Variants in MROH1 observed in about 807,000 individuals in gnomAD.
MROH1 encodes maestro heat-like repeat-containing protein family member 1.
Under a neutral mutation model 116.5 loss-of-function variants are expected in MROH1, and 117 were observed. The observed-to-expected ratio is 1.00, with a 90% CI of 0.86 to 1.17. MROH1 has a LOEUF of 1.17. Ranked by LOEUF, MROH1 falls within the 50% of genes most tolerant of loss-of-function variation. MROH1 has a pLI of 0.00. For missense variants in MROH1, 1,873 were observed against 1,338.5 expected (o/e 1.40, Z -6.23); for synonymous variants, 921 against 583.9 (o/e 1.58, Z -8.32).
intron 35 of MROH1, among the ~76,000 whole-genome samples, chr8:144,256,360 G>C (rs1041855518): frequency 9.7e-5 from 13 of 133,966 alleles, no homozygotes; most frequent in Admixed American, 3.6e-4. Context: ...TGTGCACCTT[G>C]GCCAGGACAC....
chr8:144,235,216 G>C (rs914501052), intron 14 of MROH1, among the ~76,000 whole-genome samples: 3 of 152,076 alleles, frequency 2.0e-5, no homozygotes, highest in South Asian at 4.2e-4. Context: ...CTTTCATATC[G>C]ATCTTGTATA....
chr8:144,245,235 A>G lies in MROH1; in HGVS notation c.2846A>G (p.Tyr949Cys), dbSNP rs960816291. 6.4e-5 allele frequency: 50 copies of G among 778,724 alleles called. 1 individual carries two copies. The South Asian group carries it at 6.4e-4, about 10-fold the overall frequency. 48.2% of individuals were successfully genotyped at this position (778,724 alleles called of 1,614,324 possible). ...ALGLSALLLR[Y>C]FLEHLRVSAL... ...GGCCTGAGCGCCCTCCTGCTGCGCT[A>G]CTTCCTGGAGCACCTGCGTGTCAGC... Residue 949 changes from tyrosine to cysteine, a missense_variant, in exon 29 of 44, where the codon TAC becomes TGC. Transcript: ENST00000326134.
chr8:144,175,064 G>A, intron 4 of MROH1: 1 of 985,450 alleles, frequency 1.0e-6, no homozygotes, highest in Non-Finnish European at 1.2e-6. Context: ...AGCTAAAGAT[G>A]GAAGCATAAT....
chr8:144,208,407 G>T (rs201199851), intron 12 of MROH1, among the ~76,000 whole-genome samples: 34 of 146,720 alleles, frequency 2.3e-4, no homozygotes, highest in South Asian at 6.4e-4. Context: ...GGTGGGTGGG[G>T]TTTTTTTTTT....
intron 14 of MROH1, among the ~76,000 whole-genome samples, chr8:144,224,263 T>C (rs755531685): frequency 5.3e-4 from 81 of 152,302 alleles, no homozygotes; most frequent in Non-Finnish European, 8.5e-4. Flanking sequence ...TTTATATCTA[T>C]GTAATAATAA....
chr8:144,260,480 T>G, intron 39 of MROH1, 106 bp downstream of exon 39: 1 of 697,910 alleles, frequency 1.4e-6, no homozygotes, highest in African/African-American at 1.7e-5. Context: ...CCACCTCGGC[T>G]AGGTGACCGT....
At chr8:144,151,769 A>C (rs1816854640) in intron 1 of MROH1, among the ~76,000 whole-genome samples, 1 of 152,222 alleles carries the variant, frequency 6.6e-6, no homozygotes, top group South Asian at 2.1e-4. Context: ...CCCTAGATAC[A>C]GCCTCCCGTC....
At chr8:144,202,336 G>T (rs1831378333) in intron 12 of MROH1, among the ~76,000 whole-genome samples, 1 of 151,496 alleles carries the variant, frequency 6.6e-6, no homozygotes, top group Admixed American at 6.6e-5. Context: ...GGAGGGGCAG[G>T]GAGGGAAGTG....
At position 144,182,761 on chromosome 8, in the gene MROH1, G is replaced by C. The variant is rs1266475698; in HGVS notation, c.562+2238G>C. Reference sequence around the variant, plus strand: ...CCCTAGAAAGAATGGACAGAGATGGGAGGTCAAGAGATGACGCAAAGGCAT... The same window carrying C: ...CCCTAGAAAGAATGGACAGAGATGGCAGGTCAAGAGATGACGCAAAGGCAT... On this transcript the variant is annotated intron_variant, in intron 7 of 43. Transcript: ENST00000326134. This position sits in a 1 kb window ranked among gnomAD's most constrained non-coding sequence, Gnocchi z 4.1. Among the ~76,000 whole-genome samples, 1 of 152,150 alleles carries C rather than the reference G, an allele frequency of 6.6e-6. No homozygotes were observed. The highest frequency in any genetic ancestry group is 1.5e-5 in the Non-Finnish European group (1 of 68,022).
intron 12 of MROH1, among the ~76,000 whole-genome samples, chr8:144,209,224 A>G (rs1041154381): frequency 3.3e-5 from 5 of 152,038 alleles, no homozygotes; most frequent in Non-Finnish European, 7.4e-5. Flanking sequence ...AAGGCTTTAA[A>G]TCTGGTAGAG....
In MROH1 at chr8:144,260,050, C is replaced by T; in HGVS notation, c.4184C>T (p.Pro1395Leu). The change falls in exon 38 of 44, where the codon CCT becomes CTT. Residue 1395 changes from proline to leucine, a missense_variant. By Grantham distance (98) the Pro-to-Leu change is moderately conservative (BLOSUM62 -3). Coordinates refer to ENST00000326134, the MANE Select transcript of MROH1 (RefSeq NM_032450.3). ...RGLANLASGC[P>L]DKVRTHGPQL... is the part of the protein sequence containing the mutation. ...CTGGCCAACCTGGCCTCCGGCTGCC[C>T]TGACAAGGTGGGGTGGCCACCAGCC... 1 of 725,910 alleles carries T rather than the reference C, an allele frequency of 1.4e-6. No homozygotes were observed. Among genetic ancestry groups the T allele is most frequent in the South Asian group, 1.4e-5 (1 of 69,666 alleles). The allele number at this position is 725,910 out of a possible 1,614,324, so 45.0% of individuals were successfully genotyped here.
intron 35 of MROH1, among the ~76,000 whole-genome samples, chr8:144,257,969 G>A (rs1844217623): frequency 6.6e-6 from 1 of 152,176 alleles, no homozygotes; most frequent in African/African-American, 2.4e-5. Context: ...GCTGGTGCAG[G>A]GCATCCTCTG....
chr8:144,167,430 GTT>G (rs1407677740), intron 3 of MROH1, among the ~76,000 whole-genome samples: 1 of 126,032 alleles, frequency 7.9e-6, no homozygotes, highest in African/African-American at 4.0e-5. Flanking sequence ...GTGGCCGGTT[GTT>G]GGGTGGAGTG....
chr8:144,257,316 G>T (rs1374893134), intron 35 of MROH1, among the ~76,000 whole-genome samples: 2 of 152,290 alleles, frequency 1.3e-5, no homozygotes, highest in East Asian at 3.9e-4. Flanking sequence ...CTCATCAAGG[G>T]CTGTGTGAGG....
Position 144,254,806 on chromosome 8 carries a change from G to A in MROH1, c.3429-7G>A. 1.3e-6 allele frequency: 1 copy of A among 775,794 alleles called. No homozygotes were observed. The highest frequency in any genetic ancestry group is 2.4e-6 in the Non-Finnish European group (1 of 417,298). 48.1% of individuals were successfully genotyped at this position (775,794 alleles called of 1,614,324 possible). On this transcript the variant is annotated splice_polypyrimidine_tract_variant and splice_region_variant and intron_variant, in intron 33 of 43. Transcript: ENST00000326134. The stretch of plus-strand genomic sequence containing the variant: ...GGCCTCAAAGTGACTCTCCTGCTCT[G>A]CTCCAGCCACACCTGCATGCTGTGG...
intron 12 of MROH1, among the ~76,000 whole-genome samples, chr8:144,214,757 T>C (rs1346158849): frequency 6.6e-6 from 1 of 152,170 alleles, no homozygotes; most frequent in Non-Finnish European, 1.5e-5. Flanking sequence ...TTCGTTTATA[T>C]TCTTTAACTT....
At chr8:144,231,747 C>A (rs1838929542) in intron 14 of MROH1, among the ~76,000 whole-genome samples, 1 of 152,166 alleles carries the variant, frequency 6.6e-6, no homozygotes. Context: ...ACACACCAAG[C>A]ACAGGCTGTT....
At chr8:144,153,460 G>A (rs934895759) in intron 1 of MROH1, among the ~76,000 whole-genome samples, 6 of 152,162 alleles carry the variant, frequency 3.9e-5, no homozygotes, top group African/African-American at 9.7e-5. Flanking sequence ...GCCTCCCAAA[G>A]TGCTGGGATT....
chr8:144,258,825 G>A lies in MROH1; in HGVS notation c.3840G>A (p.Glu1280=). ...LRSMLLRSGS[E]DVVQRMDLEG... ...CCATGCTACTCCGCAGCGGCAGCGA[G>A]GATGTGGTACAGCGCATGGACCTGG... The change falls in exon 36 of 44, where the codon GAG becomes GAA. Residue 1280 remains glutamate (E), a synonymous_variant. Coordinates refer to ENST00000326134, the MANE Select transcript of MROH1 (RefSeq NM_032450.3). The A allele has an allele frequency of 1.3e-6, 1 of 769,856 alleles. No homozygotes were observed. 47.7% of individuals were successfully genotyped at this position (769,856 alleles called of 1,614,324 possible).
Sources: allele counts gnomAD v4.1 joint callset (sites outside exome capture counted in the v4.1 genomes callset), GRCh38; gene constraint gnomAD v4.1.1; non-coding constraint Gnocchi (gnomAD v3.1); transcripts MANE v1.5; gene names NCBI Gene and HGNC (gene_info 2026-07-23, HGNC 2026-07-21).